The following NTRK3 variants were observed in gnomAD, a reference collection of about 807,000 sequenced individuals.
NTRK3 encodes the protein neurotrophic receptor tyrosine kinase 3.
NTRK3 carries 24 observed loss-of-function variants against 91.7 expected under a neutral mutation model. The ratio of observed to expected loss-of-function variants is 0.26; its 90% CI spans 0.19 to 0.37. NTRK3 has a LOEUF of 0.37. NTRK3 is among the 10% of genes least tolerant of loss of function. The pLI, the probability that NTRK3 is intolerant of heterozygous loss-of-function variation, is 1.00. For missense variants in NTRK3, 880 were observed against 1,068.9 expected, an observed-to-expected ratio of 0.82 and a Z score of 2.46; for synonymous variants, 483 against 404.0, an observed-to-expected ratio of 1.20 and a Z score of -2.34.
chr15:87,981,468 C>T lies in NTRK3; in HGVS notation c.1586-40715G>A, dbSNP rs2074262963. Reference sequence around the variant, plus strand: ...AGTGCACAATGCCAGAAACAGAAATCCAGGTTTCTCAGCTCCTGTACCCAC... The same window carrying T: ...AGTGCACAATGCCAGAAACAGAAATTCAGGTTTCTCAGCTCCTGTACCCAC... On this transcript the variant is annotated intron_variant, in intron 14 of 18. Coordinates refer to ENST00000394480, the Ensembl canonical transcript of NTRK3. 3.3e-6 allele frequency: 5 copies of T among 1,507,308 alleles called. No homozygotes were observed. In the African/African-American group the frequency reaches 5.5e-5, roughly 17 times the overall value. 93.4% of individuals were successfully genotyped at this position (1,507,308 alleles called of 1,614,324 possible).
chr15:88,024,810 G>A (rs962225297), intron 14 of NTRK3, among the ~76,000 whole-genome samples: 2 of 152,214 alleles, frequency 1.3e-5, no homozygotes, highest in Non-Finnish European at 2.9e-5. Flanking sequence ...ACATCATGGA[G>A]AATCACCCTG....
intron 13 of NTRK3, among the ~76,000 whole-genome samples, chr15:88,083,613 T>C (rs1305414277): frequency 3.3e-5 from 5 of 152,258 alleles, no homozygotes; most frequent in African/African-American, 9.6e-5. Context: ...GGACAGTTCA[T>C]AGTCAAGAAG....
At chr15:88,023,716 T>G (rs555785466) in intron 14 of NTRK3, among the ~76,000 whole-genome samples, 152 of 152,312 alleles carry the variant, frequency 1.0e-3, no homozygotes, top group Non-Finnish European at 1.5e-3. Context: ...CAGCAGCCCC[T>G]GGTATGCCAA....
chr15:87,903,820 C>T (rs964972407), intron 17 of NTRK3, among the ~76,000 whole-genome samples: 8 of 152,188 alleles, frequency 5.3e-5, no homozygotes, highest in Admixed American at 3.9e-4. Flanking sequence ...AACCACATTC[C>T]ACAATTTCAA....
intron 3 of NTRK3, among the ~76,000 whole-genome samples, chr15:88,220,733 G>C (rs1368633821): frequency 6.6e-6 from 1 of 152,152 alleles, no homozygotes; most frequent in Admixed American, 6.5e-5. Context: ...CCCAGCGAGA[G>C]CGGGAACGTC....
intron 3 of NTRK3, among the ~76,000 whole-genome samples, chr15:88,191,830 G>C (rs2047422997): frequency 6.6e-6 from 1 of 152,252 alleles, no homozygotes. Context: ...GGAGCGCATG[G>C]GATCACGCTA....
At chr15:87,931,177 G>A (rs990287834) in intron 16 of NTRK3, 2 of 516,008 alleles carry the variant, frequency 3.9e-6, no homozygotes, top group Admixed American at 2.0e-5. Context: ...TGACAGTAGT[G>A]CAGAGGCACC....
intron 13 of NTRK3, among the ~76,000 whole-genome samples, chr15:88,116,442 A>G (rs2052082970): frequency 6.6e-6 from 1 of 152,184 alleles, no homozygotes; most frequent in African/African-American, 2.4e-5. Flanking sequence ...AAAATTTAAA[A>G]AAAAAAAAAT....
intron 3 of NTRK3, among the ~76,000 whole-genome samples, chr15:88,226,911 T>C (rs1275644288): frequency 6.6e-6 from 1 of 152,228 alleles, no homozygotes; most frequent in Non-Finnish European, 1.5e-5. Flanking sequence ...AGAGGTTAAG[T>C]ATCACTGAGA....
chr15:88,183,749 T>G (rs558892445), intron 4 of NTRK3, among the ~76,000 whole-genome samples: 1 of 152,198 alleles, frequency 6.6e-6, no homozygotes, highest in South Asian at 2.1e-4. Flanking sequence ...TCCTGGCCAG[T>G]AGGTAAGGAC....
At chr15:88,142,003 G>T (rs2042429413) in intron 6 of NTRK3, among the ~76,000 whole-genome samples, 2 of 152,190 alleles carry the variant, frequency 1.3e-5, no homozygotes, top group Non-Finnish European at 2.9e-5. Flanking sequence ...TTTCCTCCAA[G>T]AGAACAAGAC....
intron 3 of NTRK3, among the ~76,000 whole-genome samples, chr15:88,230,436 G>C (rs938517061): frequency 3.2e-4 from 49 of 152,232 alleles, no homozygotes; most frequent in African/African-American, 1.2e-3. Context: ...TTGCAAGAAG[G>C]GCCCTGTTTG....
intron 5 of NTRK3, among the ~76,000 whole-genome samples, chr15:88,178,538 C>T (rs113888418): frequency 1.1e-3 from 168 of 152,266 alleles, no homozygotes; most frequent in African/African-American, 3.9e-3. Context: ...ATTGAGTGCA[C>T]GTTTGCTTCC....
intron 14 of NTRK3, among the ~76,000 whole-genome samples, chr15:87,970,746 T>C (rs1386188625): frequency 6.6e-6 from 1 of 152,134 alleles, no homozygotes; most frequent in Non-Finnish European, 1.5e-5. Flanking sequence ...GGAGAAACAT[T>C]GCTGCAATCA....
At chr15:87,986,116 T>C (rs1596534819) in intron 14 of NTRK3, among the ~76,000 whole-genome samples, 1 of 152,360 alleles carries the variant, frequency 6.6e-6, no homozygotes, top group East Asian at 1.9e-4. Context: ...AGGAACAATT[T>C]GTAATAGCTG....
chr15:87,924,918 C>T (rs1430625115), intron 17 of NTRK3, among the ~76,000 whole-genome samples: 1 of 152,162 alleles, frequency 6.6e-6, no homozygotes, highest in Non-Finnish European at 1.5e-5. Flanking sequence ...TCCATTCCTC[C>T]CTGATCTCAG....
At chr15:88,210,092 A>G (rs1353002412) in intron 3 of NTRK3, 5 of 152,234 alleles carry the variant, frequency 3.3e-5, no homozygotes, top group Admixed American at 2.0e-4. Context: ...TGCTACACAA[A>G]TAACAAATAT....
intron 14 of NTRK3, among the ~76,000 whole-genome samples, chr15:88,020,793 T>A (rs2077541344): frequency 6.6e-6 from 1 of 152,162 alleles, no homozygotes; most frequent in Non-Finnish European, 1.5e-5. Context: ...TTGTTTCTAA[T>A]GAAAAAGGAT....
chr15:88,038,458 C>G (rs1341392192), intron 13 of NTRK3, among the ~76,000 whole-genome samples: 2 of 152,164 alleles, frequency 1.3e-5, no homozygotes, highest in Non-Finnish European at 2.9e-5. Flanking sequence ...CAGCAGGGCT[C>G]CTTATAGGGC....
Sources: gnomAD v4.1 joint callset for allele counts (sites outside exome capture counted in the v4.1 genomes callset) on GRCh38, gnomAD v4.1.1 for gene constraint, MANE v1.5 for transcripts, NCBI Gene and HGNC (gene_info 2026-07-23, HGNC 2026-07-21) for gene names.